MYO3B: variants seen among roughly 807,000 people sequenced by gnomAD.
The protein encoded by MYO3B is myosin-IIIb.
MYO3B carries 156 observed loss-of-function variants against 174.6 expected under a neutral mutation model. The observed-to-expected ratio is 0.89, with a 90% confidence interval of 0.78 to 1.02. The LOEUF (loss-of-function observed/expected upper bound fraction) is 1.02. Ranked by LOEUF, MYO3B falls within the 50% of genes least tolerant of loss-of-function variation. The pLI, the probability that MYO3B is intolerant of heterozygous loss-of-function variation, is 0.00. For synonymous variants in MYO3B, 563 were observed against 569.1 expected (o/e 0.99, Z 0.15); for missense variants, 1,632 against 1,639.4 (o/e 1.00, Z 0.08).
chr2:170,260,123 T>A (rs1055184967), intron 7 of MYO3B, among the ~76,000 whole-genome samples: 1 of 152,192 alleles, frequency 6.6e-6, no homozygotes, highest in Non-Finnish European at 1.5e-5. Flanking sequence ...TTGATGGGAA[T>A]GTAAATTAGT....
At chr2:170,450,664 C>T (rs1328479582) in intron 23 of MYO3B, among the ~76,000 whole-genome samples, 5 of 151,948 alleles carry the variant, frequency 3.3e-5, no homozygotes, top group South Asian at 2.1e-4. Flanking sequence ...AACTAAGTTT[C>T]ATGTTTGCTT....
intron 22 of MYO3B, among the ~76,000 whole-genome samples, chr2:170,412,856 G>A (rs2094554629): frequency 6.6e-6 from 1 of 152,204 alleles, no homozygotes; most frequent in African/African-American, 2.4e-5. Context: ...GCTCTGATGA[G>A]CCAGCCCCAT....
At chr2:170,178,506 G>C (rs1173056423) in intron 1 of MYO3B, among the ~76,000 whole-genome samples, 1 of 151,514 alleles carries the variant, frequency 6.6e-6, no homozygotes, top group Admixed American at 6.6e-5. Context: ...GAAGGAGTAG[G>C]ATAAACACCC....
intron 7 of MYO3B, among the ~76,000 whole-genome samples, chr2:170,280,109 A>G (rs181745133): frequency 6.6e-6 from 1 of 152,272 alleles, no homozygotes; most frequent in East Asian, 1.9e-4. Context: ...TGTTTTCTCC[A>G]CAACCTTGCC....
chr2:170,224,847 T>C (rs1477235093), intron 6 of MYO3B, among the ~76,000 whole-genome samples: 1 of 152,210 alleles, frequency 6.6e-6, no homozygotes, highest in Non-Finnish European at 1.5e-5. Context: ...CAAAGGGTCG[T>C]TGACAAGGGA....
At chr2:170,391,741 C>A in intron 15 of MYO3B, 123 bp downstream of exon 15, 1 of 621,424 alleles carries the variant, frequency 1.6e-6, no homozygotes. Flanking sequence ...CTAAAGTGCC[C>A]AGGGTGAGGT....
At chr2:170,540,748 T>C (rs1335942387) in intron 30 of MYO3B, among the ~76,000 whole-genome samples, 1 of 152,210 alleles carries the variant, frequency 6.6e-6, no homozygotes, top group African/African-American at 2.4e-5. Flanking sequence ...GAAAACTGAC[T>C]TGTACCATCT....
intron 32 of MYO3B, among the ~76,000 whole-genome samples, chr2:170,549,916 A>G (rs1162710634): frequency 6.6e-6 from 1 of 152,190 alleles, no homozygotes; most frequent in Non-Finnish European, 1.5e-5. Context: ...AAGGGCTAAG[A>G]TGTCTCCCAT....
At chr2:170,625,212 G>C (rs902810609) in intron 32 of MYO3B, among the ~76,000 whole-genome samples, 1 of 152,080 alleles carries the variant, frequency 6.6e-6, no homozygotes, top group Non-Finnish European at 1.5e-5. Flanking sequence ...TTTTTTGGTT[G>C]GTAAGCAGTT....
intron 7 of MYO3B, among the ~76,000 whole-genome samples, chr2:170,316,320 T>C (rs1410275205): frequency 6.6e-6 from 1 of 152,254 alleles, no homozygotes; most frequent in African/African-American, 2.4e-5. Flanking sequence ...CCAAGGTATT[T>C]CTAGGAAAAT....
At chr2:170,402,667 G>T (rs2094485240) in intron 18 of MYO3B, among the ~76,000 whole-genome samples, 181 bp from the exon 19 acceptor site, 1 of 152,166 alleles carries the variant, frequency 6.6e-6, no homozygotes, top group Non-Finnish European at 1.5e-5. Flanking sequence ...CTATTGAAAG[G>T]CCAAAAGAAC....
At chr2:170,648,545 C>T (rs931276364) in intron 32 of MYO3B, among the ~76,000 whole-genome samples, 1 of 150,664 alleles carries the variant, frequency 6.6e-6, no homozygotes, top group Non-Finnish European at 1.5e-5. Context: ...GCAGGAGCAT[C>T]GCTTGAGGCG....
intron 6 of MYO3B, among the ~76,000 whole-genome samples, chr2:170,228,924 C>T (rs1437877617): frequency 7.5e-6 from 1 of 133,428 alleles, no homozygotes; most frequent in Non-Finnish European, 1.5e-5. Flanking sequence ...CTGCCAAATA[C>T]TTCAATTTCA....
rs148185238 is a variant in MYO3B at position 170,297,876 on chromosome 2, G to T, written c.750-37509G>T. Among the ~76,000 whole-genome samples the T allele has an allele frequency of 1.8e-3, 279 of 152,276 alleles. 1 individual carries two copies. Among genetic ancestry groups the T allele is most frequent in the African/African-American group, 6.5e-3 (270 of 41,542 alleles). On this transcript the variant is annotated intron_variant, in intron 7 of 34. Coordinates refer to ENST00000408978, the MANE Select transcript of MYO3B (RefSeq NM_138995.5). ...CGATACTATAGGAATAGCTGCAAAT[G>T]TACCATTAGCAATTAGGGAATTCTG... is the stretch of plus-strand genomic sequence containing the variant.
chr2:170,589,486 A>C (rs994511201), intron 32 of MYO3B, among the ~76,000 whole-genome samples: 2 of 152,264 alleles, frequency 1.3e-5, no homozygotes, highest in South Asian at 2.1e-4. Flanking sequence ...AGTGATATAG[A>C]TGATCCTGAT....
At chr2:170,222,082 CATA>C (rs1375505396) in intron 6 of MYO3B, among the ~76,000 whole-genome samples, 2 of 152,154 alleles carry the variant, frequency 1.3e-5, no homozygotes. Flanking sequence ...TTTAGCAGCT[CATA>C]ATAATAGAGT....
In MYO3B at chr2:170,346,064, A is replaced by G. The variant is rs1295631113; in HGVS notation, c.815+10614A>G. ...ATTATAGCAGCCCTAGGAAATTAAT[A>G]CACTCCATGACTGGGTAGTTACAGG... On this transcript the variant is annotated intron_variant, in intron 8 of 34. Coordinates refer to ENST00000408978, the MANE Select transcript of MYO3B (RefSeq NM_138995.5). 5 of 152,252 alleles carry G rather than the reference A, an allele frequency of 3.3e-5. No homozygotes were observed. In the East Asian group the frequency reaches 9.6e-4, roughly 29 times the overall value. 9.4% of individuals were successfully genotyped at this position (152,252 alleles called of 1,614,324 possible).
intron 7 of MYO3B, among the ~76,000 whole-genome samples, chr2:170,318,376 A>G (rs1452643362): frequency 1.3e-5 from 2 of 152,218 alleles, no homozygotes; most frequent in Non-Finnish European, 2.9e-5. Context: ...CCACTGACAC[A>G]CTGATTTAAC....
intron 9 of MYO3B, among the ~76,000 whole-genome samples, chr2:170,373,808 A>T (rs1257936362): frequency 1.4e-5 from 2 of 147,318 alleles, no homozygotes. Context: ...ATTGTGAGGA[A>T]ATTCATGTTG....
Sources: gnomAD v4.1 joint callset for allele counts (sites outside exome capture counted in the v4.1 genomes callset) on GRCh38, gnomAD v4.1.1 for gene constraint, MANE v1.5 for transcripts, NCBI Gene and HGNC (gene_info 2026-07-23, HGNC 2026-07-21) for gene names.